Variants in NUDCD3 observed in about 807,000 individuals in gnomAD.
NUDCD3 encodes the protein nudC domain-containing protein 3.
A neutral mutation model predicts 39.7 loss-of-function variants in NUDCD3; 13 were observed. That is an observed-to-expected ratio of 0.33 (90% confidence interval 0.21 to 0.52). NUDCD3 has a LOEUF of 0.52. Among genes scored for constraint, NUDCD3 ranks in the 20% least tolerant of loss-of-function variants. The pLI is 0.96. For missense variants in NUDCD3, 453 were observed against 458.1 expected, an observed-to-expected ratio of 0.99 and a Z score of 0.10; for synonymous variants, 175 against 172.4, an observed-to-expected ratio of 1.02 and a Z score of -0.12.
At chr7:44,472,628 C>T (rs772221565) in intron 2 of NUDCD3, among the ~76,000 whole-genome samples, 6 of 152,112 alleles carry the variant, frequency 3.9e-5, no homozygotes, top group Admixed American at 1.3e-4. Flanking sequence ...TATTATAAAG[C>T]TATGAAACAA....
intron 1 of NUDCD3, 127 bp downstream of exon 1, chr7:44,490,282 C>G: frequency 1.1e-6 from 1 of 928,072 alleles, no homozygotes; most frequent in Non-Finnish European, 1.5e-6. Context: ...AAGCCATTCT[C>G]ACAAGCTCAA....
chr7:44,399,817 C>A (rs1008734775), intron 4 of NUDCD3, among the ~76,000 whole-genome samples: 7 of 152,162 alleles, frequency 4.6e-5, no homozygotes, highest in African/African-American at 1.7e-4. Context: ...ACAGCTTGCA[C>A]AAAAACACTC....
At chr7:44,487,460 GA>G (rs34196298) in intron 1 of NUDCD3, among the ~76,000 whole-genome samples, 63 of 139,892 alleles carry the variant, frequency 4.5e-4, no homozygotes, top group Middle Eastern at 3.8e-3. Context: ...GTTAGGGACA[GA>G]AAAAAAAAAA....
chr7:44,402,814 T>C, intron 4 of NUDCD3: 1 of 405,908 alleles, frequency 2.5e-6, no homozygotes, highest in South Asian at 1.8e-5. Flanking sequence ...GGCTCACTAG[T>C]GTAATACAGG....
chr7:44,483,464 A>T lies in NUDCD3; in HGVS notation c.509+1504T>A, dbSNP rs527325316. The stretch of plus-strand genomic sequence containing the variant: ...AGATCTGCACTATAAAAAATATTTT[A>T]AAAAGATCTGCAAGGAAATATCAGA... On this transcript the variant is annotated intron_variant, in intron 2 of 5. Coordinates refer to ENST00000355451, the MANE Select transcript of NUDCD3 (RefSeq NM_015332.4). Among the ~76,000 whole-genome samples the T allele has an allele frequency of 1.6e-4, 24 of 152,354 alleles. No homozygotes were observed. In the Middle Eastern group the frequency reaches 0.01, roughly 65 times the overall value.
intron 4 of NUDCD3, among the ~76,000 whole-genome samples, chr7:44,393,831 G>A (rs538257678): frequency 4.3e-4 from 65 of 152,230 alleles, no homozygotes; most frequent in African/African-American, 1.4e-3. Context: ...AACCTACCAA[G>A]CCACACTCAG....
chr7:44,461,735 A>G (rs1800020995), intron 2 of NUDCD3, among the ~76,000 whole-genome samples: 1 of 152,124 alleles, frequency 6.6e-6, no homozygotes. Context: ...AAAGAAACAG[A>G]AAGTTTGGGA....
At chr7:44,442,476 T>C (rs192579723) in intron 2 of NUDCD3, among the ~76,000 whole-genome samples, 2 of 152,194 alleles carry the variant, frequency 1.3e-5, no homozygotes, top group African/African-American at 4.8e-5. Flanking sequence ...AGTATGCACC[T>C]GGGGGACCCA....
chr7:44,468,268 C>T (rs766065918), intron 2 of NUDCD3: 9 of 1,591,880 alleles, frequency 5.7e-6, no homozygotes, highest in Non-Finnish European at 7.7e-6. Flanking sequence ...GAGTCACCAA[C>T]CCCAATGCCA....
chr7:44,393,136 G>A (rs1235770933), intron 4 of NUDCD3, among the ~76,000 whole-genome samples: 2 of 152,000 alleles, frequency 1.3e-5, no homozygotes, highest in African/African-American at 4.8e-5. Flanking sequence ...TGCATGAGGG[G>A]GTCCTCCAGC....
chr7:44,448,890 G>A (rs1799736316), intron 2 of NUDCD3, among the ~76,000 whole-genome samples: 1 of 152,214 alleles, frequency 6.6e-6, no homozygotes, highest in Non-Finnish European at 1.5e-5. Context: ...AGAGCATGTT[G>A]GACAAGCAAG....
At chr7:44,416,752 T>C (rs187596966) in intron 3 of NUDCD3, among the ~76,000 whole-genome samples, 1 of 152,288 alleles carries the variant, frequency 6.6e-6, no homozygotes, top group East Asian at 1.9e-4. Context: ...CTTCCTTCCA[T>C]CCTTCTATCC....
At chr7:44,483,117 T>C (rs1341407389) in intron 2 of NUDCD3, among the ~76,000 whole-genome samples, 5 of 151,996 alleles carry the variant, frequency 3.3e-5, no homozygotes, top group Non-Finnish European at 4.4e-5. Context: ...AGTCTCCCAA[T>C]AGTATAAACA....
chr7:44,398,154 C>T (rs1051470314), intron 4 of NUDCD3, among the ~76,000 whole-genome samples: 4 of 152,208 alleles, frequency 2.6e-5, no homozygotes, highest in East Asian at 1.9e-4. Context: ...TAGCATCTGC[C>T]GGTCCCATCT....
rs144468409 is a variant in NUDCD3 at position 44,393,598 on chromosome 7, C to A, written c.787-1113G>T. 1.3e-3 allele frequency among the ~76,000 whole-genome samples: 197 copies of A among 152,296 alleles called. 2 individuals are homozygous for A. Among genetic ancestry groups the A allele is most frequent in the African/African-American group, 4.5e-3 (188 of 41,546 alleles). Reference sequence around the variant, plus strand: ...TTGTCTACTTTGCCCTAGATGAGCACTGCACTTTTTCAACAGAAATACTTG... The same window carrying A: ...TTGTCTACTTTGCCCTAGATGAGCAATGCACTTTTTCAACAGAAATACTTG... On this transcript the variant is annotated intron_variant, in intron 4 of 5. Coordinates refer to ENST00000355451, the MANE Select transcript of NUDCD3 (RefSeq NM_015332.4).
At chr7:44,421,505 G>C (rs201078348) in intron 3 of NUDCD3, among the ~76,000 whole-genome samples, 4 of 87,326 alleles carry the variant, frequency 4.6e-5, no homozygotes, top group Admixed American at 1.1e-4. Flanking sequence ...AAAAAAAAAA[G>C]CAGGGGTTGC....
rs116876436 is a variant in NUDCD3 at position 44,447,878 on chromosome 7, C to T, written c.510-20175G>A. Among the ~76,000 whole-genome samples, 1,201 of 152,260 alleles carry T rather than the reference C, an allele frequency of 7.9e-3. 6 individuals are homozygous for T. Among genetic ancestry groups the T allele is most frequent in the Non-Finnish European group, 0.013 (862 of 68,004 alleles). On this transcript the variant is annotated intron_variant, in intron 2 of 5. Coordinates refer to ENST00000355451, the MANE Select transcript of NUDCD3 (RefSeq NM_015332.4). The stretch of plus-strand genomic sequence containing the variant: ...CAAGGGGCACCTCTGTCTGGCCACA[C>T]AGGATTGCACACAGAATTGACCACA...
At chr7:44,421,927 T>A (rs1229304687) in intron 3 of NUDCD3, among the ~76,000 whole-genome samples, 1 of 152,160 alleles carries the variant, frequency 6.6e-6, no homozygotes, top group African/African-American at 2.4e-5. Context: ...ACGGAAATCA[T>A]AACAAACAGT....
At chr7:44,430,559 C>T (rs940396256) in intron 2 of NUDCD3, among the ~76,000 whole-genome samples, 1 of 141,404 alleles carries the variant, frequency 7.1e-6, no homozygotes, top group Non-Finnish European at 1.5e-5. Flanking sequence ...AATACCCACA[C>T]ACACACACAC....
Sources: allele counts gnomAD v4.1 joint callset (sites outside exome capture counted in the v4.1 genomes callset), GRCh38; gene constraint gnomAD v4.1.1; transcripts MANE v1.5; gene names NCBI Gene and HGNC (gene_info 2026-07-23, HGNC 2026-07-21).